Variants in RELN observed in about 807,000 individuals in gnomAD.
RELN encodes reelin.
In RELN, 108 loss-of-function variants were observed where a neutral mutation model predicts 427.6. The observed-to-expected ratio is 0.25, with a 90% CI of 0.22 to 0.30. The LOEUF (loss-of-function observed/expected upper bound fraction) is 0.30. RELN is among the 10% of genes least tolerant of loss of function. RELN has a pLI of 1.00. For synonymous variants in RELN, 1,524 were observed against 1,513.4 expected (o/e 1.01, Z -0.16); for missense variants, 3,715 against 4,302.8 (o/e 0.86, Z 3.82).
intron 1 of RELN, among the ~76,000 whole-genome samples, chr7:103,923,063 C>T (rs889617790): frequency 4.1e-4 from 62 of 151,996 alleles, no homozygotes; most frequent in African/African-American, 1.3e-3. Flanking sequence ...AGATGAAAAA[C>T]GCCAGCAGAA....
intron 51 of RELN, among the ~76,000 whole-genome samples, chr7:103,507,810 G>C (rs1829266505): frequency 6.6e-6 from 1 of 152,132 alleles, no homozygotes; most frequent in African/African-American, 2.4e-5. Flanking sequence ...GAAGAAAAGA[G>C]AGAAGGATCA....
intron 36 of RELN, among the ~76,000 whole-genome samples, chr7:103,560,958 G>C (rs1375339976): frequency 6.6e-6 from 1 of 152,180 alleles, no homozygotes; most frequent in East Asian, 1.9e-4. Context: ...CATGCTGAGA[G>C]AGATGGGATG....
chr7:103,531,147 T>C (rs78666302), intron 46 of RELN, among the ~76,000 whole-genome samples: 3,710 of 152,328 alleles, frequency 0.024, 152 homozygotes, highest in African/African-American at 0.084. Flanking sequence ...CTTGACAATG[T>C]TCTCAACACT....
chr7:103,961,337 C>A (rs1274770711), intron 1 of RELN, among the ~76,000 whole-genome samples: 1 of 152,094 alleles, frequency 6.6e-6, no homozygotes, highest in Admixed American at 6.5e-5. Context: ...CTATTTTTGC[C>A]TCACCTACAG....
chr7:103,764,131 G>C (rs1179757856), intron 4 of RELN, among the ~76,000 whole-genome samples: 1 of 152,122 alleles, frequency 6.6e-6, no homozygotes, highest in East Asian at 1.9e-4. Context: ...TTGAGTTCAA[G>C]GTGCCTAAAT....
At position 103,626,225 on chromosome 7, in the gene RELN, C is replaced by T. The variant is rs2117324810; in HGVS notation, c.2702+3715G>A. Among the ~76,000 whole-genome samples the T allele has an allele frequency of 6.6e-6, 1 of 152,232 alleles. No homozygotes were observed. The highest frequency in any genetic ancestry group is 1.9e-4 in the East Asian group (1 of 5,190). On this transcript the variant is annotated intron_variant, in intron 20 of 64. Coordinates refer to ENST00000428762, the MANE Select transcript of RELN (RefSeq NM_005045.4). This position sits in a 1 kb window ranked among gnomAD's most constrained non-coding sequence, Gnocchi z 4.4. ...TATCTGGCTTTAATTTTACAAGCTT[C>T]TAAGTGGCAGTGTGAGAATTTGAAA...
chr7:103,726,967 T>G (rs1004623353), intron 7 of RELN, among the ~76,000 whole-genome samples: 1 of 152,178 alleles, frequency 6.6e-6, no homozygotes. Flanking sequence ...TAATTTCAAC[T>G]AAAAACTCCT....
intron 16 of RELN, among the ~76,000 whole-genome samples, chr7:103,642,467 A>G (rs946191344): frequency 1.2e-4 from 18 of 150,972 alleles, no homozygotes; most frequent in African/African-American, 4.1e-4. Flanking sequence ...AAAACCTCAC[A>G]TAGAATGATA....
chr7:103,840,627 A>G (rs1029089311), intron 2 of RELN, among the ~76,000 whole-genome samples: 5 of 152,252 alleles, frequency 3.3e-5, no homozygotes, highest in African/African-American at 9.6e-5. Flanking sequence ...GGAGAATGAG[A>G]GAACTCAGAA....
At chr7:103,715,218 A>T (rs143375897) in intron 8 of RELN, among the ~76,000 whole-genome samples, 4 of 152,314 alleles carry the variant, frequency 2.6e-5, no homozygotes, top group African/African-American at 7.2e-5. Flanking sequence ...ATCTACTAAA[A>T]ATGGATATTA....
intron 2 of RELN, among the ~76,000 whole-genome samples, chr7:103,884,064 G>A (rs757733872): frequency 6.6e-6 from 1 of 152,108 alleles, no homozygotes; most frequent in African/African-American, 2.4e-5. Flanking sequence ...AAACAGCATG[G>A]TACTGGTACC....
chr7:103,919,085 C>T (rs537756891), intron 1 of RELN, among the ~76,000 whole-genome samples: 1 of 149,026 alleles, frequency 6.7e-6, no homozygotes, highest in African/African-American at 2.5e-5. Flanking sequence ...TCCTTTTCCT[C>T]GTTTAAGCAG....
At chr7:103,753,093 G>T (rs1033817931) in intron 5 of RELN, 89 bp downstream of exon 5, 2 of 1,277,138 alleles carry the variant, frequency 1.6e-6, no homozygotes, top group Non-Finnish European at 2.3e-6. Flanking sequence ...CAGCTTCCTT[G>T]CCTCTATAAC....
At chr7:103,497,242 T>G (rs1421575208) in intron 55 of RELN, among the ~76,000 whole-genome samples, 3 of 152,208 alleles carry the variant, frequency 2.0e-5, no homozygotes, top group Non-Finnish European at 4.4e-5. Flanking sequence ...TACCTTAAAA[T>G]ACTTTAGGGT....
At chr7:103,724,153 G>C (rs1485444745) in intron 7 of RELN, among the ~76,000 whole-genome samples, 1 of 150,446 alleles carries the variant, frequency 6.6e-6, no homozygotes, top group Non-Finnish European at 1.5e-5. Flanking sequence ...AGAGGCAGTA[G>C]GTTGTCTTAC....
At position 103,486,371 on chromosome 7, in the gene RELN, T is replaced by G. The variant is rs1353810371; in HGVS notation, c.9809A>C (p.Lys3270Thr). The G allele has an allele frequency of 6.2e-7, 1 of 1,614,002 alleles. No individual in the cohort carries two copies. The highest frequency in any genetic ancestry group is 1.7e-5 in the Admixed American group (1 of 59,990). The change falls in exon 61 of 65, where the codon AAA becomes ACA. Residue 3270 changes from lysine to threonine, a missense_variant. This residue lies in a region of RELN where 195 missense variants were observed against 281.3 expected (regional missense o/e 0.69). Coordinates refer to ENST00000428762, the MANE Select transcript of RELN (RefSeq NM_005045.4). Reference sequence around the variant, plus strand: ...GACTCTTGCGGACTCAAAATTATCTTTAATATAACTGGGAAGGTCGTGACT... The same window carrying G: ...GACTCTTGCGGACTCAAAATTATCTGTAATATAACTGGGAAGGTCGTGACT... ...VFSHDLPSYI[K>T]DNFESARVTE... is the part of the protein sequence containing the mutation.
In RELN at chr7:103,707,530, C is replaced by T. The variant is rs1220637000; in HGVS notation, c.806-6524G>A. On this transcript the variant is annotated intron_variant, in intron 8 of 64. Transcript: ENST00000428762. ...TTTTTTTTTTTTTGAGATGGAGTCT[C>T]GCTCTGTCGCCAGGCTGGAGTGCAA... Among the ~76,000 whole-genome samples, 8 of 149,044 alleles carry T rather than the reference C, an allele frequency of 5.4e-5. No homozygotes were observed. The South Asian group carries it at 6.3e-4, about 12-fold the overall frequency.
At chr7:103,510,023 G>A (rs895401714) in intron 51 of RELN, among the ~76,000 whole-genome samples, 14 of 152,264 alleles carry the variant, frequency 9.2e-5, no homozygotes, top group South Asian at 2.1e-4. Context: ...AAATAGGAAC[G>A]CTTTTACACT....
rs148556684 is a variant in RELN at position 103,704,348 on chromosome 7, C to A, written c.806-3342G>T. Among the ~76,000 whole-genome samples the A allele has an allele frequency of 2.3e-4, 35 of 152,190 alleles. No homozygotes were observed. The East Asian group carries it at 6.4e-3, about 28-fold the overall frequency. On this transcript the variant is annotated intron_variant, in intron 8 of 64. Coordinates refer to ENST00000428762, the MANE Select transcript of RELN (RefSeq NM_005045.4). ...AATTTCTAGCATTTTAATGTAAAATCCTATGTATACGTTCATTCTTATTAG... is the reference window on the plus strand; with the variant it reads ...AATTTCTAGCATTTTAATGTAAAATACTATGTATACGTTCATTCTTATTAG...
Sources: allele counts gnomAD v4.1 joint callset (sites outside exome capture counted in the v4.1 genomes callset), GRCh38; gene constraint gnomAD v4.1.1; regional missense constraint gnomAD v4.1.1; non-coding constraint Gnocchi (gnomAD v3.1); transcripts MANE v1.5; gene names NCBI Gene and HGNC (gene_info 2026-07-23, HGNC 2026-07-21).